The following UPP2 variants were observed in gnomAD, a reference collection of about 807,000 sequenced individuals.
UPP2 encodes uridine phosphorylase 2, also known as UPase 2.
UPP2 carries 23 observed loss-of-function variants against 26.7 expected under a neutral mutation model. That is an observed-to-expected ratio of 0.86 (90% CI 0.62 to 1.22). The LOEUF (loss-of-function observed/expected upper bound fraction) is 1.22, where lower values mean the gene tolerates loss of function less well. UPP2 is among the 50% of genes most tolerant of loss of function. UPP2 has a pLI of 0.00. For missense variants in UPP2, 387 were observed against 396.7 expected, an observed-to-expected ratio of 0.98 and a Z score of 0.21; for synonymous variants, 127 against 141.3, an observed-to-expected ratio of 0.90 and a Z score of 0.72.
At chr2:158,021,961 T>C (rs1365914284) in intron 3 of UPP2, among the ~76,000 whole-genome samples, 1 of 151,868 alleles carries the variant, frequency 6.6e-6, no homozygotes, top group Non-Finnish European at 1.5e-5. Context: ...AAAAACATCA[T>C]GGAATCCATA....
chr2:158,005,717 G>A (rs1267079126), intron 2 of UPP2, among the ~76,000 whole-genome samples: 1 of 152,156 alleles, frequency 6.6e-6, no homozygotes, highest in Non-Finnish European at 1.5e-5. Flanking sequence ...ACTTTACTAA[G>A]TGCCAATGGA....
chr2:158,033,592 G>A (rs955583662), intron 3 of UPP2, among the ~76,000 whole-genome samples: 3 of 152,170 alleles, frequency 2.0e-5, no homozygotes, highest in African/African-American at 4.8e-5. Flanking sequence ...CGGTCCAGCA[G>A]TTGGTCTCCA....
chr2:158,122,705 T>A (rs1431474987), intron 5 of UPP2, among the ~76,000 whole-genome samples: 2 of 149,222 alleles, frequency 1.3e-5, no homozygotes, highest in African/African-American at 4.9e-5. Context: ...AACTAGCATT[T>A]AAAAATGTAC....
chr2:158,116,364 CA>C (rs1173353241), intron 3 of UPP2, among the ~76,000 whole-genome samples: 1 of 151,870 alleles, frequency 6.6e-6, no homozygotes, highest in Non-Finnish European at 1.5e-5. Flanking sequence ...TGGAGAAGGA[CA>C]AAAAAGTAAG....
chr2:158,092,009 G>A (rs1363550848), intron 3 of UPP2, among the ~76,000 whole-genome samples: 1 of 152,124 alleles, frequency 6.6e-6, no homozygotes, highest in East Asian at 1.9e-4. Context: ...ACCACAGATA[G>A]GTTAAGAGTG....
intron 2 of UPP2, among the ~76,000 whole-genome samples, chr2:158,002,366 G>A (rs898605803): frequency 6.6e-6 from 1 of 152,214 alleles, no homozygotes; most frequent in Non-Finnish European, 1.5e-5. Flanking sequence ...GATGAACCAG[G>A]GGCCGAGCAG....
In UPP2 at chr2:158,102,011, A is replaced by G. The variant is rs1337410492; in HGVS notation, c.-53A>G. On this transcript the variant is annotated 5_prime_UTR_variant, in exon 1 of 7. Transcript: ENST00000005756. ...GTCTATAATTTAATAACAAGTCACA[A>G]TATCTCTCTTTCTTGACATCAATTT... The G allele has an allele frequency of 1.9e-6, 3 of 1,607,272 alleles. No individual in the cohort carries two copies. The highest frequency in any genetic ancestry group is 2.2e-5 in the South Asian group (2 of 89,678).
At chr2:158,101,853 T>A, upstream of UPP2, 1 of 1,339,240 alleles carries the variant, frequency 7.5e-7, no homozygotes, top group Non-Finnish European at 9.5e-7. Context: ...AAAAGTCATG[T>A]CAGGGAGGAC....
chr2:158,078,512 A>G (rs2105192691), intron 3 of UPP2, among the ~76,000 whole-genome samples: 1 of 152,278 alleles, frequency 6.6e-6, no homozygotes, highest in South Asian at 2.1e-4. Context: ...CATTACATTG[A>G]GTGAAATAAG....
chr2:158,121,738 G>T, intron 5 of UPP2, 120 bp downstream of exon 5: 2 of 940,952 alleles, frequency 2.1e-6, no homozygotes, highest in East Asian at 2.6e-5. Flanking sequence ...GGGTTAAAAA[G>T]GAAATGAAAC....
chr2:158,077,054 G>A (rs114919127), intron 3 of UPP2, among the ~76,000 whole-genome samples: 1,679 of 151,904 alleles, frequency 0.011, 34 homozygotes, highest in African/African-American at 0.038. Flanking sequence ...AAACAAAAAA[G>A]TAATCTTATT....
At chr2:158,072,075 C>T (rs996745249) in intron 3 of UPP2, among the ~76,000 whole-genome samples, 35 of 152,268 alleles carry the variant, frequency 2.3e-4, no homozygotes, top group African/African-American at 7.9e-4. Context: ...TCTGGACCTG[C>T]CCTGGGCCAG....
chr2:158,045,835 C>T (rs890298828), intron 3 of UPP2, among the ~76,000 whole-genome samples: 4 of 152,118 alleles, frequency 2.6e-5, no homozygotes, highest in African/African-American at 7.2e-5. Context: ...ACCCAAGCTA[C>T]GAGAGGCTAG....
chr2:158,115,269 C>A lies in UPP2; in HGVS notation c.339+10C>A. ...TGTGCTCGCCATCAGTGTAAGTATC[C>A]ATGGTTGCATTTCAGCTAGTCATTG... On this transcript the variant is annotated intron_variant, in intron 3 of 6. Transcript: ENST00000005756. 6.3e-7 allele frequency: 1 copy of A among 1,587,310 alleles called. No homozygotes were observed. Among genetic ancestry groups the A allele is most frequent in the Non-Finnish European group, 8.6e-7 (1 of 1,167,178 alleles).
rs116690494 is a variant in UPP2 at position 158,082,650 on chromosome 2, C to T, written c.148-19390C>T. 1.9e-3 allele frequency among the ~76,000 whole-genome samples: 294 copies of T among 152,200 alleles called. 5 individuals carry two copies. The highest frequency in any genetic ancestry group is 6.4e-3 in the African/African-American group (264 of 41,520). On this transcript the variant is annotated intron_variant, in intron 3 of 9. Coordinates refer to the UPP2 transcript ENST00000605860. ...ATACCATTCATGACATGAGCGTAGG[C>T]GAAGATTTCATGACTAAAACACCAA...
chr2:158,079,472 C>A (rs1389911800), intron 3 of UPP2, among the ~76,000 whole-genome samples: 1 of 152,014 alleles, frequency 6.6e-6, no homozygotes, highest in Non-Finnish European at 1.5e-5. Flanking sequence ...GGCAAATGAA[C>A]TAACATTGTT....
chr2:158,097,677 CCAACCCTCGGGGGAAGGTATCTGTG>C (rs1215135289), upstream of UPP2, among the ~76,000 whole-genome samples: 14 of 152,206 alleles, frequency 9.2e-5, no homozygotes, highest in Non-Finnish European at 1.8e-4. Flanking sequence ...CTCCACTACA[CCAACCCTCGGGGGAAGGTATCTGTG>C]CAAACATTCA....
chr2:158,121,720 A>T (rs1334368145), intron 5 of UPP2, 102 bp downstream of exon 5: 1 of 1,085,030 alleles, frequency 9.2e-7, no homozygotes, highest in East Asian at 2.6e-5. Flanking sequence ...AAGAAAATTA[A>T]TATTTGTGGG....
intron 3 of UPP2, among the ~76,000 whole-genome samples, chr2:158,038,970 C>T (rs934003061): frequency 8.5e-5 from 13 of 152,182 alleles, no homozygotes; most frequent in Non-Finnish European, 1.6e-4. Context: ...ATCTACACAC[C>T]GCACTGAGGA....
Sources: allele counts gnomAD v4.1 joint callset (sites outside exome capture counted in the v4.1 genomes callset), GRCh38; gene constraint gnomAD v4.1.1; transcripts MANE v1.5; gene names NCBI Gene and HGNC (gene_info 2026-07-23, HGNC 2026-07-21).